Variants in GHR observed in about 807,000 individuals in gnomAD.
GHR encodes the protein growth hormone receptor, also known as GH receptor.
GHR carries 35 observed loss-of-function variants against 67.1 expected under a neutral mutation model. The observed-to-expected ratio is 0.52, with a 90% CI of 0.40 to 0.69. The LOEUF (loss-of-function observed/expected upper bound fraction) is 0.69. GHR is among the 30% of genes least tolerant of loss of function. The pLI is 0.00. For missense variants in GHR, 792 were observed against 764.6 expected, an observed-to-expected ratio of 1.04 and a Z score of -0.42; for synonymous variants, 272 against 269.1, an observed-to-expected ratio of 1.01 and a Z score of -0.10.
chr5:42,427,134 TC>T (rs1742886931), intron 1 of GHR, among the ~76,000 whole-genome samples: 2 of 152,232 alleles, frequency 1.3e-5, no homozygotes, highest in Admixed American at 1.3e-4. Context: ...CAGTTTTTCA[TC>T]CACTATAGGG....
intron 6 of GHR, among the ~76,000 whole-genome samples, chr5:42,701,094 T>G (rs1336997811): frequency 6.6e-6 from 1 of 152,168 alleles, no homozygotes; most frequent in African/African-American, 2.4e-5. Context: ...CACAGACCCT[T>G]GAGGGTCCCT....
At position 42,565,942 on chromosome 5, in the gene GHR, A is replaced by G. The variant is rs775749224; in HGVS notation, c.68A>G (p.Glu23Gly). 1.9e-6 allele frequency: 3 copies of G among 1,613,934 alleles called. No homozygotes were observed. The highest frequency in any genetic ancestry group is 3.3e-5 in the Admixed American group (2 of 60,000). The change falls in exon 2 of 10, where the codon GAG (glutamate) becomes GGG (glycine). Residue 23 changes from glutamate to glycine, a missense_variant and splice_region_variant. Glu to Gly is a moderately conservative substitution (Grantham distance 98, BLOSUM62 -2). Coordinates refer to ENST00000230882, the MANE Select transcript of GHR (RefSeq NM_000163.5). ...TCAAGTGATGCTTTTTCTGGAAGTG[A>G]GGGTGAGTTCTGCTTTTCCATTTCC... is the stretch of plus-strand genomic sequence containing the variant. ...AGSSDAFSGS[E>G]ATAAILSRAP...
chr5:42,528,929 TTTAAA>T (rs1747828547), intron 1 of GHR, among the ~76,000 whole-genome samples: 1 of 152,208 alleles, frequency 6.6e-6, no homozygotes, highest in Admixed American at 6.5e-5. Context: ...ATAAAGTATT[TTTAAA>T]TTAAAGTATA....
intron 1 of GHR, among the ~76,000 whole-genome samples, chr5:42,478,629 T>C (rs998211139): frequency 1.2e-4 from 18 of 151,006 alleles, no homozygotes; most frequent in Non-Finnish European, 1.0e-4. Flanking sequence ...TCTAGGTATT[T>C]TATTCTCTTT....
chr5:42,492,948 G>C (rs1279666089), intron 1 of GHR, among the ~76,000 whole-genome samples: 1 of 152,172 alleles, frequency 6.6e-6, no homozygotes, highest in Non-Finnish European at 1.5e-5. Flanking sequence ...GTATTTACAG[G>C]GTGGAGACAT....
intron 3 of GHR, among the ~76,000 whole-genome samples, chr5:42,650,578 CATATATAT>C (rs35408817): frequency 7.7e-6 from 1 of 129,050 alleles, no homozygotes; most frequent in South Asian, 2.5e-4. Context: ...TTACAGATAA[CATATATAT>C]ATATATATAT....
chr5:42,576,096 A>AAATAT (rs1195454525), intron 2 of GHR, among the ~76,000 whole-genome samples: 1 of 91,056 alleles, frequency 1.1e-5, no homozygotes, highest in Non-Finnish European at 2.1e-5. Context: ...AAATAAAATA[A>AAATAT]AATAAATAAA....
At chr5:42,453,169 C>T (rs1414712876) in intron 1 of GHR, among the ~76,000 whole-genome samples, 1 of 151,952 alleles carries the variant, frequency 6.6e-6, no homozygotes, top group African/African-American at 2.4e-5. Context: ...TCCTTAGTTA[C>T]AGAATCTTCC....
chr5:42,424,504 C>A lies in GHR; in HGVS notation c.-12+549C>A. 1.7e-6 allele frequency: 2 copies of A among 1,190,972 alleles called. No individual in the cohort carries two copies. The highest frequency in any genetic ancestry group is 2.4e-6 in the Non-Finnish European group (2 of 833,722). The allele number at this position is 1,190,972 out of a possible 1,614,324, so 73.8% of individuals were successfully genotyped here. On this transcript the variant is annotated intron_variant, in intron 1 of 9. Coordinates refer to ENST00000230882, the MANE Select transcript of GHR (RefSeq NM_000163.5). The surrounding 1 kb of genome is among the most constrained non-coding windows in gnomAD (Gnocchi z 4.1). ...GCGTGGACACAGCGCGCAGAGCGCGCGGTCTTTTGCGCGTTTGTGCGGGCC... is the reference window on the plus strand; with the variant it reads ...GCGTGGACACAGCGCGCAGAGCGCGAGGTCTTTTGCGCGTTTGTGCGGGCC...
intron 3 of GHR, among the ~76,000 whole-genome samples, chr5:42,643,042 A>G (rs1399561388): frequency 2.0e-5 from 3 of 152,012 alleles, no homozygotes; most frequent in Non-Finnish European, 4.4e-5. Flanking sequence ...ATCTGTAAAG[A>G]CCCTTTTTCC....
At chr5:42,718,396 T>A in intron 9 of GHR, 57 bp from the exon 10 acceptor site, 1 of 1,252,312 alleles carries the variant, frequency 8.0e-7, no homozygotes, top group South Asian at 1.2e-5. Flanking sequence ...ATTTGCTAAT[T>A]CATTTAATTA....
At chr5:42,467,999 T>C (rs946213011) in intron 1 of GHR, 11 of 744,622 alleles carry the variant, frequency 1.5e-5, no homozygotes, top group African/African-American at 1.2e-4. Context: ...GTTTTCTTTT[T>C]CACAAGCCTC....
Position 42,690,061 on chromosome 5 carries a change from G to A in GHR, c.266+1042G>A, listed in dbSNP as rs73099745. Among the ~76,000 whole-genome samples, 392 of 152,106 alleles carry A rather than the reference G, an allele frequency of 2.6e-3. 2 individuals are homozygous for A. Among genetic ancestry groups the A allele is most frequent in the African/African-American group, 9.2e-3 (382 of 41,480 alleles). On this transcript the variant is annotated intron_variant, in intron 4 of 9. Coordinates refer to ENST00000230882, the MANE Select transcript of GHR (RefSeq NM_000163.5). ...TATTTTTCCCTTTTTTACATTTTAG[G>A]CTTAAACACTTCATTATCTCCTGTT...
chr5:42,662,181 C>T (rs1197267064), intron 3 of GHR, among the ~76,000 whole-genome samples: 1 of 152,174 alleles, frequency 6.6e-6, no homozygotes, highest in African/African-American at 2.4e-5. Flanking sequence ...CCACTGTCAA[C>T]ATTAGACAGA....
At position 42,579,151 on chromosome 5, in the gene GHR, TATAGATAGATAGATAGATAG is replaced by T. The variant is rs10533483; in HGVS notation, c.70+13237_70+13256del. Among the ~76,000 whole-genome samples the T allele has an allele frequency of 3.6e-4, 32 of 88,288 alleles. 1 individual carries two copies. Among genetic ancestry groups the T allele is most frequent in the South Asian group, 1.4e-3 (4 of 2,776 alleles). 57.9% of individuals were successfully genotyped at this position (88,288 alleles called of 152,430 possible). Reference sequence around the variant, plus strand: ...GATAGATAGATAGATGATAGATAGATATAGATAGATAGATAGATAGATAGATAGATAGATAGATAGATAGA... The same window carrying T: ...GATAGATAGATAGATGATAGATAGATATAGATAGATAGATAGATAGATAGA... On this transcript the variant is annotated intron_variant, in intron 2 of 9. Coordinates refer to ENST00000230882, the MANE Select transcript of GHR (RefSeq NM_000163.5).
At chr5:42,631,985 G>T (rs1319835353) in intron 3 of GHR, among the ~76,000 whole-genome samples, 1 of 152,076 alleles carries the variant, frequency 6.6e-6, no homozygotes. Context: ...GCAGTGCAGT[G>T]ACCATTTAGC....
intron 1 of GHR, among the ~76,000 whole-genome samples, chr5:42,478,873 T>G (rs543316221): frequency 3.3e-5 from 5 of 152,326 alleles, no homozygotes; most frequent in South Asian, 2.1e-4. Flanking sequence ...GAATACCCTT[T>G]ATTTCCTTCT....
At chr5:42,569,692 T>C (rs1355189651) in intron 2 of GHR, among the ~76,000 whole-genome samples, 1 of 152,138 alleles carries the variant, frequency 6.6e-6, no homozygotes, top group Non-Finnish European at 1.5e-5. Flanking sequence ...CATATTTATA[T>C]TTGTATGTGT....
intron 1 of GHR, among the ~76,000 whole-genome samples, chr5:42,433,496 TTAAAA>T (rs1261269215): frequency 6.6e-6 from 1 of 152,112 alleles, no homozygotes; most frequent in Admixed American, 6.5e-5. Context: ...CACTAGGGAA[TTAAAA>T]CATGACTCTT....
Sources: gnomAD v4.1 joint callset for allele counts (sites outside exome capture counted in the v4.1 genomes callset) on GRCh38, gnomAD v4.1.1 for gene constraint, Gnocchi (gnomAD v3.1) non-coding constraint, MANE v1.5 for transcripts, NCBI Gene and HGNC (gene_info 2026-07-23, HGNC 2026-07-21) for gene names.